The following CACNB2 variants were observed in gnomAD, a reference collection of about 807,000 sequenced individuals.
CACNB2 encodes the protein voltage-dependent L-type calcium channel subunit beta-2.
In CACNB2, 42 loss-of-function variants were observed where a neutral mutation model predicts 73.3. The observed-to-expected ratio is 0.57, with a 90% CI of 0.45 to 0.74. CACNB2 has a LOEUF of 0.74. Ranked by LOEUF, CACNB2 falls within the 30% of genes least tolerant of loss-of-function variation. CACNB2 has a pLI of 0.00. For missense variants in CACNB2, 940 were observed against 853.0 expected, an observed-to-expected ratio of 1.10 and a Z score of -1.27; for synonymous variants, 348 against 310.3, an observed-to-expected ratio of 1.12 and a Z score of -1.28.
At chr10:18,487,993 G>C (rs2049159239) in intron 3 of CACNB2, among the ~76,000 whole-genome samples, 1 of 151,500 alleles carries the variant, frequency 6.6e-6, no homozygotes, top group Admixed American at 6.6e-5. Flanking sequence ...ACTTTTAGTA[G>C]AGACAGGGTT....
At chr10:18,389,065 C>T (rs1204163139) in intron 2 of CACNB2, among the ~76,000 whole-genome samples, 2 of 152,162 alleles carry the variant, frequency 1.3e-5, no homozygotes, top group African/African-American at 2.4e-5. Context: ...AACATAGGAA[C>T]ATTACAGGAA....
chr10:18,539,620 C>T lies in CACNB2; in HGVS notation c.1879C>T (p.Arg627Cys), dbSNP rs753259405. The change falls in exon 14 of 14, where the codon CGT becomes TGT. Residue 627 changes from arginine to cysteine, a missense_variant. Physicochemically the swap from Arg to Cys is radical, Grantham distance 180. Transcript: ENST00000324631. ...DHNECNKQRSRHKSKDRYCEK... is the reference protein window; with the variant it reads ...DHNECNKQRSCHKSKDRYCEK... ...CAACGAGTGCAACAAGCAGCGCAGC[C>T]GTCATAAATCCAAGGATCGCTACTG... The T allele has an allele frequency of 6.2e-6, 10 of 1,613,472 alleles. No homozygotes were observed. In the East Asian group the frequency reaches 6.7e-5, roughly 11 times the overall value.
chr10:18,434,573 A>G (rs1011882557), intron 3 of CACNB2, among the ~76,000 whole-genome samples: 1 of 152,178 alleles, frequency 6.6e-6, no homozygotes, highest in Non-Finnish European at 1.5e-5. Flanking sequence ...GATGATTATT[A>G]TATTTTTTAT....
chr10:18,274,516 G>T (rs1466097019), intron 2 of CACNB2, among the ~76,000 whole-genome samples: 1 of 152,158 alleles, frequency 6.6e-6, no homozygotes, highest in African/African-American at 2.4e-5. Context: ...ATTTTTGTTT[G>T]ATTAAAGATG....
Position 18,518,356 on chromosome 10 carries a change from T to C in CACNB2, c.825T>C (p.Tyr275=), listed in dbSNP as rs1294783650. The C allele has an allele frequency of 3.1e-6, 5 of 1,613,318 alleles. No homozygotes were observed. Among genetic ancestry groups the C allele is most frequent in the Non-Finnish European group, 4.2e-6 (5 of 1,179,384 alleles). Residue 275 remains tyrosine (Y), a synonymous_variant, in exon 8 of 14, where the codon TAT becomes TAC. Transcript: ENST00000324631. ...TGCAGACAGAGCACACTCCTCCGTATGATGTGGTACCTTCCATGCGACCAG... is the reference window on the plus strand; with the variant it reads ...TGCAGACAGAGCACACTCCTCCGTACGATGTGGTACCTTCCATGCGACCAG... ...FFKKTEHTPP[Y]DVVPSMRPVV...
At chr10:18,377,512 G>T (rs2042848012) in intron 2 of CACNB2, among the ~76,000 whole-genome samples, 1 of 152,302 alleles carries the variant, frequency 6.6e-6, no homozygotes, top group Non-Finnish European at 1.5e-5. Flanking sequence ...ACTAAGTGTG[G>T]CCATGTTCCA....
At chr10:18,463,561 C>CA (rs1286463192) in intron 3 of CACNB2, among the ~76,000 whole-genome samples, 1 of 151,460 alleles carries the variant, frequency 6.6e-6, no homozygotes, top group East Asian at 1.9e-4. Flanking sequence ...ATTGCAGGTG[C>CA]ACGCCACAAT....
intron 3 of CACNB2, among the ~76,000 whole-genome samples, chr10:18,441,422 C>G (rs1346917900): frequency 2.6e-5 from 4 of 152,036 alleles, no homozygotes; most frequent in Non-Finnish European, 4.4e-5. Flanking sequence ...AAATAACCAT[C>G]CAAAAACTGA....
chr10:18,450,163 T>C (rs992198469), intron 3 of CACNB2, among the ~76,000 whole-genome samples: 3 of 152,184 alleles, frequency 2.0e-5, no homozygotes, highest in African/African-American at 7.2e-5. Flanking sequence ...GCTTAAAGAA[T>C]AAACGGTAGG....
intron 3 of CACNB2, among the ~76,000 whole-genome samples, chr10:18,461,037 C>T (rs2047547372): frequency 6.6e-6 from 1 of 152,122 alleles, no homozygotes; most frequent in Admixed American, 6.5e-5. Context: ...TCAAGCTATT[C>T]TCCTGCCTCA....
rs1223980187 is a variant in CACNB2 at position 18,527,626 on chromosome 10, C to T, written c.983C>T (p.Ala328Val). Residue 328 changes from alanine to valine, a missense_variant, in exon 10 of 14, where the codon GCC becomes GTC. Transcript: ENST00000324631. ...AGGGTCACCGCTGACATCTCGCTTG[C>T]CAAACGCTCGGTATTAAACAATCCC... ...ITRVTADISL[A>V]KRSVLNNPSK... 6.2e-7 allele frequency: 1 copy of T among 1,613,974 alleles called. No homozygotes were observed. Among genetic ancestry groups the T allele is most frequent in the South Asian group, 1.1e-5 (1 of 91,078 alleles).
intron 12 of CACNB2, among the ~76,000 whole-genome samples, chr10:18,537,375 A>G (rs1049654361): frequency 2.0e-5 from 3 of 152,336 alleles, no homozygotes; most frequent in Admixed American, 6.5e-5. Context: ...ACACTAAAAA[A>G]TCTTTTGAAA....
At chr10:18,247,902 C>A (rs992854817) in intron 2 of CACNB2, among the ~76,000 whole-genome samples, 1 of 152,142 alleles carries the variant, frequency 6.6e-6, no homozygotes, top group African/African-American at 2.4e-5. Context: ...TACAGTAACA[C>A]ACAGCTTCCC....
At chr10:18,525,345 A>G (rs2052365453) in intron 9 of CACNB2, among the ~76,000 whole-genome samples, 1 of 152,130 alleles carries the variant, frequency 6.6e-6, no homozygotes, top group Non-Finnish European at 1.5e-5. Context: ...GGAAGGGTAT[A>G]TACATGTTTT....
At chr10:18,267,592 T>A (rs1588892513) in intron 2 of CACNB2, among the ~76,000 whole-genome samples, 1 of 152,058 alleles carries the variant, frequency 6.6e-6, no homozygotes, top group Non-Finnish European at 1.5e-5. Context: ...GGTGACAGAG[T>A]GAGACTCCAT....
intron 2 of CACNB2, among the ~76,000 whole-genome samples, chr10:18,387,990 C>G (rs2043306190): frequency 6.6e-6 from 1 of 152,116 alleles, no homozygotes; most frequent in South Asian, 2.1e-4. Flanking sequence ...CTGCCGAGCT[C>G]AAGCAATCCT....
At chr10:18,443,949 G>A (rs537953843) in intron 3 of CACNB2, among the ~76,000 whole-genome samples, 20 of 152,092 alleles carry the variant, frequency 1.3e-4, no homozygotes, top group East Asian at 1.9e-4. Flanking sequence ...GCCTAACCTC[G>A]AGCAATCCGC....
At chr10:18,252,180 T>A (rs1465429495) in intron 2 of CACNB2, among the ~76,000 whole-genome samples, 1 of 152,224 alleles carries the variant, frequency 6.6e-6, no homozygotes, top group African/African-American at 2.4e-5. Flanking sequence ...AATGTTGCTA[T>A]GGTGGGAAAC....
chr10:18,409,485 G>T (rs2044494876), intron 3 of CACNB2, among the ~76,000 whole-genome samples: 1 of 152,126 alleles, frequency 6.6e-6, no homozygotes, highest in Non-Finnish European at 1.5e-5. Context: ...CTTCCAACAA[G>T]TTCAGCTTAT....
Sources: allele counts gnomAD v4.1 joint callset (sites outside exome capture counted in the v4.1 genomes callset), GRCh38; gene constraint gnomAD v4.1.1; transcripts MANE v1.5; gene names NCBI Gene and HGNC (gene_info 2026-07-23, HGNC 2026-07-21).